ATP10B: variants seen among roughly 807,000 people sequenced by gnomAD.
The protein encoded by ATP10B is ATPase phospholipid transporting 10B (putative).
ATP10B carries 122 observed loss-of-function variants against 141.2 expected under a neutral mutation model. That is an observed-to-expected ratio of 0.86 (90% CI 0.75 to 1.00). The LOEUF (loss-of-function observed/expected upper bound fraction) is 1.00. ATP10B is among the 50% of genes least tolerant of loss of function. The probability of loss-of-function intolerance (pLI) is 0.00; values close to 1 mark genes in which losing one functional copy is unlikely to be tolerated. For synonymous variants in ATP10B, 685 were observed against 692.0 expected (o/e 0.99, Z 0.16); for missense variants, 1,876 against 1,825.3 (o/e 1.03, Z -0.51).
chr5:160,602,429 C>G (rs1354447664), intron 21 of ATP10B, 148 bp downstream of exon 21: 12 of 986,524 alleles, frequency 1.2e-5, no homozygotes, highest in Non-Finnish European at 1.8e-5. Flanking sequence ...GGTCACAGAG[C>G]TATTAAGGAA....
intron 3 of ATP10B, among the ~76,000 whole-genome samples, chr5:160,716,241 TTATAC>T (rs982200830): frequency 6.6e-6 from 1 of 152,226 alleles, no homozygotes; most frequent in African/African-American, 2.4e-5. Flanking sequence ...GCAGTTAAAA[TTATAC>T]TATATCTCAT....
chr5:160,833,824 T>C (rs1775259505), intron 1 of ATP10B, among the ~76,000 whole-genome samples: 3 of 152,160 alleles, frequency 2.0e-5, no homozygotes, highest in Admixed American at 2.0e-4. Context: ...TTTTAAATCT[T>C]AAAAATGACT....
At chr5:160,621,587 CT>C (rs756884700) in intron 14 of ATP10B, among the ~76,000 whole-genome samples, 7 of 152,188 alleles carry the variant, frequency 4.6e-5, no homozygotes, top group Non-Finnish European at 7.3e-5. Context: ...AACATGCTGA[CT>C]TTTCAGTGCT....
At chr5:160,925,372 ACT>A in the ATP10B span, among the ~76,000 whole-genome samples, 3 of 152,090 alleles carry the variant, frequency 2.0e-5, no homozygotes, top group Non-Finnish European at 2.9e-5. Context: ...GATTTGTATA[ACT>A]CTGACAATAA....
intron 9 of ATP10B, 32 bp from the exon 10 acceptor site, chr5:160,640,624 A>G: frequency 6.2e-7 from 1 of 1,612,564 alleles, no homozygotes; most frequent in South Asian, 1.1e-5. Flanking sequence ...TCAGTCCCTT[A>G]GTTCCTGTTT....
At chr5:160,690,519 A>G (rs1054704254) in intron 3 of ATP10B, among the ~76,000 whole-genome samples, 1 of 152,228 alleles carries the variant, frequency 6.6e-6, no homozygotes, top group Non-Finnish European at 1.5e-5. Flanking sequence ...AGAAAAAACC[A>G]ACAATCCCAT....
intron 2 of ATP10B, among the ~76,000 whole-genome samples, chr5:160,718,894 G>A (rs936438549): frequency 6.6e-6 from 1 of 152,124 alleles, no homozygotes; most frequent in African/African-American, 2.4e-5. Flanking sequence ...AGTGCTCCTC[G>A]TGAACAGGGA....
chr5:160,881,499 A>G, the ATP10B span, among the ~76,000 whole-genome samples: 1 of 152,320 alleles, frequency 6.6e-6, no homozygotes, highest in Non-Finnish European at 1.5e-5. Context: ...ACAGATATTT[A>G]TAGTAGCTTT....
At chr5:160,640,722 C>G in intron 9 of ATP10B, 130 bp from the exon 10 acceptor site, 6 of 1,266,196 alleles carry the variant, frequency 4.7e-6, no homozygotes, top group Non-Finnish European at 6.5e-6. Context: ...ACTTGCCCCG[C>G]CTCAGAAGGT....
intron 6 of ATP10B, among the ~76,000 whole-genome samples, chr5:160,681,292 C>T (rs865800810): frequency 1.3e-5 from 2 of 152,204 alleles, no homozygotes; most frequent in Non-Finnish European, 2.9e-5. Flanking sequence ...CTTCCTCAGT[C>T]CATCTCACAG....
rs1758114126 is a variant in ATP10B at position 160,617,892 on chromosome 5, C to G, written c.2498G>C (p.Gly833Ala). The G allele has an allele frequency of 6.2e-7, 1 of 1,614,052 alleles. No individual in the cohort carries two copies. Among genetic ancestry groups the G allele is most frequent in the Admixed American group, 1.7e-5 (1 of 60,012 alleles). The change falls in exon 16 of 26, where the codon GGC (glycine) becomes GCC (alanine). Residue 833 changes from glycine (G) to alanine (A), a missense_variant. By Grantham distance (60) the Gly-to-Ala change is moderately conservative. Transcript: ENST00000327245. The part of the protein sequence containing the change: ...QKHLDLYARD[G>A]LRTLCIAKKV... ...CTTGGCAATGCATAGTGTGCGCAGG[C>G]CATCTCTTGCATACAAGTCTAGATG...
intron 1 of ATP10B, among the ~76,000 whole-genome samples, chr5:160,823,021 TATATATATATATATAAAATAA>T (rs1774285132): frequency 1.6e-5 from 2 of 124,884 alleles, no homozygotes; most frequent in African/African-American, 2.9e-5. Flanking sequence ...TATATATATA[TATATATATATATATAAAATAA>T]AGAGTGTAAT....
At chr5:160,899,302 T>A in the ATP10B span, among the ~76,000 whole-genome samples, 1 of 151,968 alleles carries the variant, frequency 6.6e-6, no homozygotes, top group African/African-American at 2.4e-5. Context: ...AATGAAATGA[T>A]AGGGACATAA....
the ATP10B span, among the ~76,000 whole-genome samples, chr5:160,893,252 A>G: frequency 6.6e-6 from 1 of 152,174 alleles, no homozygotes; most frequent in Non-Finnish European, 1.5e-5. Context: ...GGTCTAGCTC[A>G]GCAGATCCCA....
At chr5:160,738,337 T>G (rs776881426) in intron 2 of ATP10B, among the ~76,000 whole-genome samples, 39 of 152,010 alleles carry the variant, frequency 2.6e-4, no homozygotes, top group Non-Finnish European at 2.4e-4. Flanking sequence ...GTGTGAAAAC[T>G]CAAGGATCTA....
At chr5:160,831,752 A>T (rs994888589) in intron 1 of ATP10B, among the ~76,000 whole-genome samples, 5 of 152,300 alleles carry the variant, frequency 3.3e-5, no homozygotes, top group Non-Finnish European at 5.9e-5. Flanking sequence ...TGAAGAAACA[A>T]ACATATAAAT....
chr5:160,899,853 A>G, the ATP10B span, among the ~76,000 whole-genome samples: 2 of 152,014 alleles, frequency 1.3e-5, no homozygotes, highest in Admixed American at 1.3e-4. Flanking sequence ...GGAATGGGAC[A>G]CTCTTGAGGT....
the ATP10B span, among the ~76,000 whole-genome samples, chr5:160,874,327 T>A: frequency 6.6e-6 from 1 of 151,990 alleles, no homozygotes; most frequent in African/African-American, 2.4e-5. Flanking sequence ...GAGGGTCCTG[T>A]CTGTTAGAAG....
chr5:160,835,867 C>T (rs1775394889), intron 1 of ATP10B, among the ~76,000 whole-genome samples: 1 of 152,090 alleles, frequency 6.6e-6, no homozygotes. Flanking sequence ...ATTGTTCTGG[C>T]TTCCTAGTTT....
Sources: allele counts gnomAD v4.1 joint callset (sites outside exome capture counted in the v4.1 genomes callset), GRCh38; gene constraint gnomAD v4.1.1; transcripts MANE v1.5; gene names NCBI Gene and HGNC (gene_info 2026-07-23, HGNC 2026-07-21).